The following MAGI2 variants were observed in gnomAD, a reference collection of about 807,000 sequenced individuals.
MAGI2 encodes membrane associated guanylate kinase, WW and PDZ domain containing 2, also known as membrane-associated guanylate kinase, WW and PDZ domain-containing protein 2.
In MAGI2, 35 loss-of-function variants were observed where a neutral mutation model predicts 133.3. The ratio of observed to expected loss-of-function variants is 0.26; its 90% CI spans 0.20 to 0.35. The LOEUF is 0.35. Among genes scored for constraint, MAGI2 ranks in the 10% least tolerant of loss-of-function variants. The pLI is 1.00. For synonymous variants in MAGI2, 729 were observed against 710.6 expected (o/e 1.03, Z -0.41); for missense variants, 1,636 against 1,863.4 (o/e 0.88, Z 2.25).
intron 9 of MAGI2, among the ~76,000 whole-genome samples, chr7:78,302,845 G>T (rs1273239359): frequency 6.6e-6 from 1 of 152,140 alleles, no homozygotes; most frequent in African/African-American, 2.4e-5. Context: ...TTACACAGTT[G>T]TTCTGCCTTA....
intron 6 of MAGI2, among the ~76,000 whole-genome samples, chr7:78,425,677 C>T (rs1270417777): frequency 6.6e-6 from 1 of 152,164 alleles, no homozygotes; most frequent in Non-Finnish European, 1.5e-5. Context: ...ATTTTGTAGT[C>T]CTTGCTCAGT....
chr7:79,425,969 T>G (rs1049615521), intron 1 of MAGI2, among the ~76,000 whole-genome samples: 1 of 152,174 alleles, frequency 6.6e-6, no homozygotes, highest in Non-Finnish European at 1.5e-5. Context: ...AAAAGAATCT[T>G]TTCAAAGAAA....
chr7:79,095,794 A>G (rs1453503056), intron 1 of MAGI2, among the ~76,000 whole-genome samples: 2 of 152,238 alleles, frequency 1.3e-5, no homozygotes, highest in Non-Finnish European at 2.9e-5. Context: ...AAAATAATAA[A>G]AAAGTTTGAA....
intron 2 of MAGI2, among the ~76,000 whole-genome samples, chr7:78,787,192 C>T (rs534010732): frequency 1.2e-3 from 182 of 152,148 alleles, no homozygotes; most frequent in Non-Finnish European, 2.2e-3. Context: ...ATGATCTGCC[C>T]GCCTTGGCCT....
At chr7:78,928,442 T>C (rs1036648374) in intron 2 of MAGI2, among the ~76,000 whole-genome samples, 1 of 151,852 alleles carries the variant, frequency 6.6e-6, no homozygotes, top group Non-Finnish European at 1.5e-5. Context: ...AGATACCATG[T>C]CAACTTGAAG....
At chr7:78,980,051 T>C (rs1030224399) in intron 2 of MAGI2, among the ~76,000 whole-genome samples, 4 of 151,796 alleles carry the variant, frequency 2.6e-5, no homozygotes, top group Non-Finnish European at 5.9e-5. Flanking sequence ...TGAGAGGAAA[T>C]TTAGCTTAGT....
At chr7:78,077,602 T>TAGATGC (rs773180706) in intron 21 of MAGI2, among the ~76,000 whole-genome samples, 1 of 151,382 alleles carries the variant, frequency 6.6e-6, no homozygotes, top group African/African-American at 2.4e-5. Context: ...ATTTAAGGTC[T>TAGATGC]TTGAGTTTAG....
intron 20 of MAGI2, among the ~76,000 whole-genome samples, chr7:78,123,872 A>G (rs1273496015): frequency 1.3e-5 from 2 of 152,144 alleles, no homozygotes; most frequent in Non-Finnish European, 2.9e-5. Flanking sequence ...GGGCTAGAGA[A>G]TCTACATTTC....
At chr7:78,420,113 A>G (rs1289698445) in intron 6 of MAGI2, among the ~76,000 whole-genome samples, 5 of 152,290 alleles carry the variant, frequency 3.3e-5, no homozygotes, top group African/African-American at 1.2e-4. Context: ...AGTCCAGGGT[A>G]GCATTGGCAC....
intron 7 of MAGI2, among the ~76,000 whole-genome samples, chr7:78,355,121 C>T (rs1014943118): frequency 1.3e-5 from 2 of 152,148 alleles, no homozygotes; most frequent in African/African-American, 2.4e-5. Context: ...AAGATCAAAG[C>T]TTTGGACAAA....
intron 3 of MAGI2, among the ~76,000 whole-genome samples, chr7:78,580,245 A>T (rs1802696499): frequency 6.6e-6 from 1 of 152,216 alleles, no homozygotes; most frequent in Non-Finnish European, 1.5e-5. Context: ...AGAATCTGAC[A>T]GTACAGAGCA....
At chr7:78,767,521 A>G (rs1825152128) in intron 2 of MAGI2, among the ~76,000 whole-genome samples, 2 of 152,188 alleles carry the variant, frequency 1.3e-5, no homozygotes, top group Admixed American at 6.6e-5. Context: ...GTCTTTTATC[A>G]TATCTGCTTA....
chr7:79,024,274 T>C (rs958992207), intron 1 of MAGI2, among the ~76,000 whole-genome samples: 1 of 151,982 alleles, frequency 6.6e-6, no homozygotes, highest in Admixed American at 6.6e-5. Context: ...TTAACCGACT[T>C]GCCATATGAA....
chr7:78,032,361 T>A (rs1353113068), intron 21 of MAGI2, among the ~76,000 whole-genome samples: 3 of 152,052 alleles, frequency 2.0e-5, no homozygotes, highest in African/African-American at 7.2e-5. Flanking sequence ...ATTACAGGTA[T>A]GCGCCAACAC....
At chr7:78,661,264 A>G (rs370336356) in intron 2 of MAGI2, among the ~76,000 whole-genome samples, 2 of 152,140 alleles carry the variant, frequency 1.3e-5, no homozygotes, top group East Asian at 3.9e-4. Context: ...CTTATTTTTC[A>G]TTAATCTTGT....
chr7:78,442,120 C>T (rs185821901), intron 6 of MAGI2, among the ~76,000 whole-genome samples: 1 of 152,298 alleles, frequency 6.6e-6, no homozygotes, highest in African/African-American at 2.4e-5. Flanking sequence ...GTTTGCTTCT[C>T]CTCTGTTTCT....
chr7:78,057,977 G>GTGTATATTTATATATA (rs762943472), intron 21 of MAGI2, among the ~76,000 whole-genome samples: 1 of 106,612 alleles, frequency 9.4e-6, no homozygotes, highest in African/African-American at 3.4e-5. Context: ...ATATATATGT[G>GTGTATATTTATATATA]TATATATATA....
At chr7:78,361,398 A>AG (rs1792789135) in intron 7 of MAGI2, among the ~76,000 whole-genome samples, 1 of 151,548 alleles carries the variant, frequency 6.6e-6, no homozygotes, top group Admixed American at 6.6e-5. Flanking sequence ...ATCTCAAAAA[A>AG]AAAAAAAAGC....
intron 21 of MAGI2, among the ~76,000 whole-genome samples, chr7:78,028,692 T>G (rs1196429627): frequency 6.6e-6 from 1 of 151,784 alleles, no homozygotes; most frequent in East Asian, 1.9e-4. Context: ...CCATCTCTAC[T>G]AAAAATACAA....
Sources: allele counts gnomAD v4.1 joint callset (sites outside exome capture counted in the v4.1 genomes callset), GRCh38; gene constraint gnomAD v4.1.1; transcripts MANE v1.5; gene names NCBI Gene and HGNC (gene_info 2026-07-23, HGNC 2026-07-21).